Variants in ZNF573 observed in about 807,000 individuals in gnomAD.
ZNF573 encodes the protein zinc finger protein 573.
Under a neutral mutation model 57.4 loss-of-function variants are expected in ZNF573, and 41 were observed. The observed-to-expected ratio is 0.71, with a 90% confidence interval of 0.56 to 0.93. The LOEUF (loss-of-function observed/expected upper bound fraction) is 0.93. ZNF573 is among the 40% of genes least tolerant of loss of function. ZNF573 has a pLI of 0.00. For missense variants in ZNF573, 730 were observed against 794.8 expected, an observed-to-expected ratio of 0.92 and a Z score of 0.98; for synonymous variants, 249 against 261.0, an observed-to-expected ratio of 0.95 and a Z score of 0.44.
chr19:37,739,944 T>C lies in ZNF573; in HGVS notation c.546A>G (p.Arg182=). 1 of 1,614,208 alleles carries C rather than the reference T, an allele frequency of 6.2e-7. No individual in the cohort carries two copies. Among genetic ancestry groups the C allele is most frequent in the Non-Finnish European group, 8.5e-7 (1 of 1,180,016 alleles). Residue 182 remains arginine, a synonymous_variant, in exon 5 of 5, where the codon AGA becomes AGG. Coordinates refer to ENST00000536220, the MANE Select transcript of ZNF573 (RefSeq NM_001172690.2). ...RSGYQLTLHQ[R]FHTGEKPYEC... ...CATAGGGTTTCTCACCAGTATGAAA[T>C]CTTTGATGTAGAGTAAGTTGATAGC... is the stretch of plus-strand genomic sequence containing the variant.
At chr19:37,778,273 TG>T (rs1241595190) in intron 1 of ZNF573, among the ~76,000 whole-genome samples, 1 of 149,858 alleles carries the variant, frequency 6.7e-6, no homozygotes, top group Non-Finnish European at 1.5e-5. Context: ...CCCAGCACTT[TG>T]GGAGGCCGAG....
At position 37,739,581 on chromosome 19, in the gene ZNF573, T is replaced by A; in HGVS notation, c.909A>T (p.Ile303=). 6.2e-7 allele frequency: 1 copy of A among 1,613,888 alleles called. No homozygotes were observed. Among genetic ancestry groups the A allele is most frequent in the Non-Finnish European group, 8.5e-7 (1 of 1,179,976 alleles). ...GQFHTDEKPY[I]CEKCGKAFRR... ...TAAAGGCCTTTCCACATTTCTCACA[T>A]ATGTATGGCTTCTCATCAGTATGAA... Residue 303 remains isoleucine (I), a synonymous_variant, in exon 5 of 5, where the codon ATA becomes ATT. Transcript: ENST00000536220.
intron 4 of ZNF573, 71 bp from the exon 5 acceptor site, chr19:37,740,265 A>G: frequency 7.3e-7 from 1 of 1,369,706 alleles, no homozygotes; most frequent in East Asian, 2.3e-5. Context: ...TATGCAACAA[A>G]GAAAAACCAA....
intron 1 of ZNF573, among the ~76,000 whole-genome samples, chr19:37,775,309 C>T (rs1023824188): frequency 2.0e-5 from 3 of 152,142 alleles, no homozygotes; most frequent in Non-Finnish European, 4.4e-5. Context: ...TGAGCTACCA[C>T]GCCTGGCCTA....
intron 4 of ZNF573, among the ~76,000 whole-genome samples, chr19:37,743,180 C>G (rs1321857200): frequency 5.3e-5 from 8 of 151,858 alleles, no homozygotes; most frequent in African/African-American, 1.9e-4. Flanking sequence ...ATTAGCCAGG[C>G]ATGGTGGCAG....
chr19:37,766,781 T>C (rs1349878221), intron 4 of ZNF573, among the ~76,000 whole-genome samples: 1 of 152,112 alleles, frequency 6.6e-6, no homozygotes, highest in Non-Finnish European at 1.5e-5. Context: ...TGCCAACATA[T>C]GATGCATACA....
intron 4 of ZNF573, among the ~76,000 whole-genome samples, chr19:37,759,730 AAAATAAAT>A (rs539653606): frequency 2.6e-5 from 4 of 152,024 alleles, no homozygotes; most frequent in East Asian, 1.9e-4. Context: ...TCTGTCTCAA[AAAATAAAT>A]AAATAAATAA....
intron 4 of ZNF573, among the ~76,000 whole-genome samples, chr19:37,764,804 T>C (rs1179044423): frequency 1.3e-5 from 2 of 149,940 alleles, no homozygotes; most frequent in Admixed American, 1.3e-4. Flanking sequence ...GGGGTTTCAC[T>C]GTGTTAGCCA....
intron 4 of ZNF573, among the ~76,000 whole-genome samples, chr19:37,769,371 T>C (rs369787959): frequency 1.2e-4 from 19 of 152,106 alleles, no homozygotes; most frequent in African/African-American, 4.6e-4. Flanking sequence ...GTGTGTTGTG[T>C]GTGTGTGCAA....
At chr19:37,771,463 G>A in intron 3 of ZNF573, 101 bp downstream of exon 3, 1 of 1,373,134 alleles carries the variant, frequency 7.3e-7, no homozygotes, top group African/African-American at 1.5e-5. Flanking sequence ...ACAGGAAGGA[G>A]AAATTCAACT....
At chr19:37,774,756 T>C (rs992353049) in intron 1 of ZNF573, among the ~76,000 whole-genome samples, 1 of 152,200 alleles carries the variant, frequency 6.6e-6, no homozygotes, top group Non-Finnish European at 1.5e-5. Flanking sequence ...CATCAATACA[T>C]TGAGAAAGTC....
intron 1 of ZNF573, among the ~76,000 whole-genome samples, chr19:37,775,450 G>A (rs1175068823): frequency 3.9e-5 from 6 of 151,966 alleles, no homozygotes; most frequent in African/African-American, 1.2e-4. Context: ...TCAATGCCAC[G>A]TCCACATGAA....
chr19:37,757,487 G>A (rs184642332), intron 4 of ZNF573, among the ~76,000 whole-genome samples: 15 of 152,192 alleles, frequency 9.9e-5, no homozygotes, highest in Admixed American at 2.6e-4. Context: ...GTGAGCTACC[G>A]CGCCCGGCCC....
chr19:37,765,055 G>A (rs908456281), intron 4 of ZNF573, among the ~76,000 whole-genome samples: 16 of 151,936 alleles, frequency 1.1e-4, no homozygotes, highest in Non-Finnish European at 1.2e-4. Context: ...ACAGGTAGCC[G>A]CCACAATGCC....
At chr19:37,768,104 AT>A (rs543142807) in intron 4 of ZNF573, among the ~76,000 whole-genome samples, 2 of 152,154 alleles carry the variant, frequency 1.3e-5, no homozygotes, top group African/African-American at 4.8e-5. Flanking sequence ...ATAAAAAAAA[AT>A]TTTTAAGTTT....
chr19:37,775,013 T>C (rs1231142078), intron 1 of ZNF573, among the ~76,000 whole-genome samples: 7 of 139,208 alleles, frequency 5.0e-5, no homozygotes, highest in Admixed American at 4.4e-4. Context: ...ACTCTCTCTC[T>C]TTTTTTTTTT....
intron 4 of ZNF573, among the ~76,000 whole-genome samples, chr19:37,744,124 AG>A (rs996503610): frequency 6.6e-6 from 1 of 151,858 alleles, no homozygotes; most frequent in African/African-American, 2.4e-5. Context: ...TTTAGAAGAA[AG>A]GAAAAAAAAA....
intron 4 of ZNF573, among the ~76,000 whole-genome samples, chr19:37,744,104 C>T (rs2045354177): frequency 6.6e-6 from 1 of 151,058 alleles, no homozygotes; most frequent in African/African-American, 2.4e-5. Context: ...TCCATGTATC[C>T]TGTTTTTTTT....
intron 2 of ZNF573, among the ~76,000 whole-genome samples, chr19:37,772,610 A>G: frequency 6.6e-6 from 1 of 151,048 alleles, no homozygotes; most frequent in East Asian, 1.9e-4. Flanking sequence ...TCGTTAATCC[A>G]TCTTTTACCT....
Sources: allele counts gnomAD v4.1 joint callset (sites outside exome capture counted in the v4.1 genomes callset), GRCh38; gene constraint gnomAD v4.1.1; transcripts MANE v1.5; gene names NCBI Gene and HGNC (gene_info 2026-07-23, HGNC 2026-07-21).